ITGB3BP: variants seen among roughly 807,000 people sequenced by gnomAD.
The protein encoded by ITGB3BP is integrin subunit beta 3 binding protein.
A neutral mutation model predicts 29.1 loss-of-function variants in ITGB3BP; 27 were observed. The observed-to-expected ratio is 0.93, with a 90% CI of 0.68 to 1.28. ITGB3BP has a LOEUF of 1.28. Among genes scored for constraint, ITGB3BP ranks in the 50% most tolerant of loss-of-function variants. The pLI, the probability that ITGB3BP is intolerant of heterozygous loss-of-function variation, is 0.00. For missense variants in ITGB3BP, 192 were observed against 200.2 expected (o/e 0.96, Z 0.25); for synonymous variants, 61 against 61.4 (o/e 0.99, Z 0.03).
In ITGB3BP at chr1:63,501,245, G is replaced by A. The variant is rs567610354; in HGVS notation, c.48+7283C>T. On this transcript the variant is annotated intron_variant, in intron 2 of 8. Coordinates refer to ENST00000271002, the MANE Select transcript of ITGB3BP (RefSeq NM_014288.5). ...TTAATACTATAAAACTCTTAGAAAC[G>A]TAGATAAAAACCTGTGTTTCCATGG... 9.2e-5 allele frequency among the ~76,000 whole-genome samples: 14 copies of A among 152,250 alleles called. No homozygotes were observed. The South Asian group carries it at 1.9e-3, about 20-fold the overall frequency.
chr1:63,463,249 C>CAAA (rs10693054), intron 4 of ITGB3BP, among the ~76,000 whole-genome samples: 27,596 of 76,348 alleles, frequency 0.36, 6,584 homozygotes, highest in Non-Finnish European at 0.46. Flanking sequence ...AACTCTGTCT[C>CAAA]AAAAAAAAAA....
At chr1:63,493,088 A>ACACGCG (rs372348238) in intron 2 of ITGB3BP, among the ~76,000 whole-genome samples, 13 of 148,848 alleles carry the variant, frequency 8.7e-5, no homozygotes, top group Middle Eastern at 3.5e-3. Context: ...ACACACACAC[A>ACACGCG]CGCGCGCGCG....
intron 2 of ITGB3BP, among the ~76,000 whole-genome samples, chr1:63,495,907 G>A (rs1215848386): frequency 6.6e-6 from 1 of 152,080 alleles, no homozygotes; most frequent in African/African-American, 2.4e-5. Flanking sequence ...ACATTCTGTG[G>A]GAGGGAATCT....
intron 2 of ITGB3BP, among the ~76,000 whole-genome samples, chr1:63,493,084 ACACACG>A (rs1246284607): frequency 2.2e-5 from 3 of 136,142 alleles, no homozygotes; most frequent in Admixed American, 1.5e-4. Flanking sequence ...ACACACACAC[ACACACG>A]CGCGCGCGCG....
In ITGB3BP at chr1:63,446,791, A is replaced by G. The variant is rs750852829; in HGVS notation, c.*1+15T>C. ...TTTCACAAGGTTAAACTAAATTAGA[A>G]AGGTGAAACAGTACCTCAGTTTAAA... On this transcript the variant is annotated intron_variant, in intron 8 of 8. Coordinates refer to ENST00000271002, the MANE Select transcript of ITGB3BP (RefSeq NM_014288.5). The G allele has an allele frequency of 6.4e-7, 1 of 1,569,848 alleles. No homozygotes were observed. Among genetic ancestry groups the G allele is most frequent in the Non-Finnish European group, 8.8e-7 (1 of 1,140,704 alleles).
intron 4 of ITGB3BP, among the ~76,000 whole-genome samples, chr1:63,470,866 C>T (rs1645183908): frequency 6.6e-6 from 1 of 152,152 alleles, no homozygotes; most frequent in Non-Finnish European, 1.5e-5. Context: ...ACTTATACTC[C>T]CACCAGCAGT....
rs138312740 is a variant in ITGB3BP, at chr1:63,477,881, T to A, written c.254+883A>T. 6.2e-3 allele frequency among the ~76,000 whole-genome samples: 942 copies of A among 152,342 alleles called. 9 individuals are homozygous for A. In the Middle Eastern group the frequency reaches 0.068, roughly 11 times the overall value. ...AAATTTAACCCCTGTTCTGCTTAATTCAATCCTTCCAGGAAGAAGATACAA... is the reference window on the plus strand; with the variant it reads ...AAATTTAACCCCTGTTCTGCTTAATACAATCCTTCCAGGAAGAAGATACAA... On this transcript the variant is annotated intron_variant, in intron 4 of 8. Coordinates refer to ENST00000271002, the MANE Select transcript of ITGB3BP (RefSeq NM_014288.5).
intron 2 of ITGB3BP, among the ~76,000 whole-genome samples, chr1:63,506,877 T>C (rs1646092482): frequency 6.6e-6 from 1 of 152,158 alleles, no homozygotes; most frequent in Admixed American, 6.6e-5. Flanking sequence ...AAATTGTAGG[T>C]ATATATTTTG....
At chr1:63,466,290 G>A (rs931143460) in intron 4 of ITGB3BP, among the ~76,000 whole-genome samples, 8 of 152,174 alleles carry the variant, frequency 5.3e-5, no homozygotes, top group African/African-American at 1.9e-4. Flanking sequence ...CTGAGAAATG[G>A]TGACATTTTG....
At position 63,478,512 on chromosome 1, in the gene ITGB3BP, C is replaced by A. The variant is rs139905271; in HGVS notation, c.254+252G>T. Among the ~76,000 whole-genome samples the A allele has an allele frequency of 3.0e-3, 458 of 152,258 alleles. 6 individuals are homozygous for A. Among genetic ancestry groups the A allele is most frequent in the Non-Finnish European group, 3.7e-3 (255 of 68,014 alleles). ...AAGTGTCTTCCTCAGTTTTACCCTG[C>A]GCTGGTCTATTACGCATAGGCTCGG... On this transcript the variant is annotated intron_variant, in intron 4 of 8. Transcript: ENST00000271002.
chr1:63,487,084 T>C (rs529276785), intron 3 of ITGB3BP, among the ~76,000 whole-genome samples: 19 of 152,184 alleles, frequency 1.2e-4, no homozygotes, highest in Middle Eastern at 3.4e-3. Context: ...TTTTGATAAA[T>C]TTTATTTTTT....
intron 4 of ITGB3BP, among the ~76,000 whole-genome samples, chr1:63,474,900 AAT>A (rs1247385043): frequency 0.025 from 920 of 37,494 alleles, 11 homozygotes; most frequent in African/African-American, 0.045. Flanking sequence ...AAAAAAAAAA[AAT>A]AAATAAATAA....
rs769713133 is a variant in ITGB3BP, at chr1:63,446,875, GT to G, written c.485-20del. ...CGTGATGCTATATGAAAGAAGAAAG[GT>G]TTTTTTTTTCAGAAAACAATTCAAA... On this transcript the variant is annotated intron_variant, in intron 7 of 8. Coordinates refer to ENST00000271002, the MANE Select transcript of ITGB3BP (RefSeq NM_014288.5). The G allele has an allele frequency of 4.5e-4, 607 of 1,362,578 alleles. No homozygotes were observed. The highest frequency in any genetic ancestry group is 8.4e-4 in the South Asian group (63 of 74,730). The allele number at this position is 1,362,578 out of a possible 1,614,324, so 84.4% of individuals were successfully genotyped here.
chr1:63,516,236 T>C (rs1271101937), intron 1 of ITGB3BP, among the ~76,000 whole-genome samples: 3 of 139,412 alleles, frequency 2.2e-5, no homozygotes, highest in Admixed American at 7.5e-5. Context: ...GAGGCAGAGG[T>C]TGTGGTGAGC....
At position 63,523,217 on chromosome 1, in the gene ITGB3BP, C is replaced by A; in HGVS notation, c.-84G>T. On this transcript the variant is annotated 5_prime_UTR_variant, in exon 1 of 9. Transcript: ENST00000271002. ...AACAGAAAATCCGCCAAAGGAAACGCCAAGGCATGAAAAGCGCGCGCTGGA... is the reference window on the plus strand; with the variant it reads ...AACAGAAAATCCGCCAAAGGAAACGACAAGGCATGAAAAGCGCGCGCTGGA... 6.3e-7 allele frequency: 1 copy of A among 1,594,560 alleles called. No homozygotes were observed. The highest frequency in any genetic ancestry group is 1.1e-5 in the South Asian group (1 of 90,622).
chr1:63,459,766 T>C (rs1239396217), intron 4 of ITGB3BP, among the ~76,000 whole-genome samples: 3 of 152,124 alleles, frequency 2.0e-5, no homozygotes, highest in African/African-American at 4.8e-5. Context: ...CCAGGTGTGT[T>C]TGACCTATGT....
intron 3 of ITGB3BP, among the ~76,000 whole-genome samples, chr1:63,482,195 C>T (rs1645449262): frequency 7.5e-6 from 1 of 132,900 alleles, no homozygotes. Flanking sequence ...ATCACTTGAA[C>T]CTGGGAGGCA....
At chr1:63,469,831 G>T (rs1645165045) in intron 4 of ITGB3BP, among the ~76,000 whole-genome samples, 1 of 152,198 alleles carries the variant, frequency 6.6e-6, no homozygotes, top group African/African-American at 2.4e-5. Flanking sequence ...CCGTAAACTG[G>T]CCCTAAACTG....
intron 4 of ITGB3BP, chr1:63,458,206 A>C (rs1157383857): frequency 6.6e-6 from 1 of 152,136 alleles, no homozygotes; most frequent in Non-Finnish European, 1.5e-5. Flanking sequence ...TTCAGTCTCA[A>C]GTCAGGTGTA....
Sources: allele counts gnomAD v4.1 joint callset (sites outside exome capture counted in the v4.1 genomes callset), GRCh38; gene constraint gnomAD v4.1.1; transcripts MANE v1.5; gene names NCBI Gene and HGNC (gene_info 2026-07-23, HGNC 2026-07-21).